The following GASK1A variants were observed in gnomAD, a reference collection of about 807,000 sequenced individuals.
GASK1A encodes Golgi-associated kinase 1A.
In GASK1A, 40 loss-of-function variants were observed where a neutral mutation model predicts 41.2. That is an observed-to-expected ratio of 0.97 (90% CI 0.75 to 1.27). The LOEUF (loss-of-function observed/expected upper bound fraction) is 1.27. GASK1A is among the 50% of genes most tolerant of loss of function. The probability of loss-of-function intolerance (pLI) is 0.00; values close to 1 mark genes in which losing one functional copy is unlikely to be tolerated. For synonymous variants in GASK1A, 316 were observed against 307.1 expected, an observed-to-expected ratio of 1.03 and a Z score of -0.30; for missense variants, 678 against 745.1, an observed-to-expected ratio of 0.91 and a Z score of 1.05.
chr3:43,009,583 T>C (rs1417750903), intron 1 of GASK1A, among the ~76,000 whole-genome samples: 1 of 152,180 alleles, frequency 6.6e-6, no homozygotes, highest in Non-Finnish European at 1.5e-5. Flanking sequence ...CTTGAGCAAA[T>C]TTTGAAGTCT....
chr3:43,033,385 T>A lies in GASK1A; in HGVS notation c.1122T>A (p.Asp374Glu). ...GARPVIWWAP[D>E]VQHLSDPDED... is the part of the protein sequence containing the mutation. Reference sequence around the variant, plus strand: ...GGCCTGTCATCTGGTGGGCACCCGATGTGCAGCACCTGAGCGACCCAGATG... The same window carrying A: ...GGCCTGTCATCTGGTGGGCACCCGAAGTGCAGCACCTGAGCGACCCAGATG... Residue 374 changes from aspartate (D) to glutamate (E), a missense_variant, in exon 2 of 5, where the codon GAT becomes GAA. Physicochemically the swap from Asp to Glu is conservative, Grantham distance 45. Transcript: ENST00000430121. The A allele has an allele frequency of 6.4e-7, 1 of 1,551,606 alleles. No homozygotes were observed. Among genetic ancestry groups the A allele is most frequent in the Non-Finnish European group, 8.7e-7 (1 of 1,146,976 alleles).
intron 2 of GASK1A, chr3:43,037,092 G>A (rs1443639414): frequency 1.8e-5 from 12 of 654,840 alleles, no homozygotes; most frequent in Non-Finnish European, 2.1e-5. Flanking sequence ...CTGACCCTGC[G>A]ATTGCACAAC....
intron 2 of GASK1A, among the ~76,000 whole-genome samples, chr3:43,053,065 G>GT (rs1419877231): frequency 1.3e-5 from 2 of 152,214 alleles, no homozygotes; most frequent in African/African-American, 2.4e-5. Context: ...CTGCTGCAGG[G>GT]TGAAAGAGCT....
intron 1 of GASK1A, among the ~76,000 whole-genome samples, chr3:42,990,247 G>A (rs2089333076): frequency 6.6e-6 from 1 of 151,924 alleles, no homozygotes; most frequent in African/African-American, 2.4e-5. Context: ...CTACTTAAGA[G>A]GCTGAGGTGG....
Position 42,979,574 on chromosome 3 carries a change from A to AGGGGAGGCGGGATGAGTC in GASK1A, c.-68_-51dup. The AGGGGAGGCGGGATGAGTC allele has an allele frequency of 8.1e-7, 1 of 1,237,530 alleles. No homozygotes were observed. Among genetic ancestry groups the AGGGGAGGCGGGATGAGTC allele is most frequent in the Non-Finnish European group, 1.0e-6 (1 of 986,968 alleles). 76.7% of individuals were successfully genotyped at this position (1,237,530 alleles called of 1,614,324 possible). A position where few individuals can be genotyped will look rare whatever the true frequency, so the allele number is the denominator to read the frequency against. On this transcript the variant is annotated 5_prime_UTR_variant, in exon 1 of 5. In the 5' UTR this introduces an upstream ATG that the reference lacks. Transcript: ENST00000430121. ...CGAGCCACGGCGCCGGGGGCGGCCA[A>AGGGGAGGCGGGATGAGTC]GGGGAGGCGGGATGAGTCTGCGAGC...
At chr3:43,052,162 G>A (rs969926095) in intron 2 of GASK1A, among the ~76,000 whole-genome samples, 2 of 152,140 alleles carry the variant, frequency 1.3e-5, no homozygotes, top group Non-Finnish European at 2.9e-5. Context: ...GCCCTTCCTA[G>A]GATTTGGACA....
intron 1 of GASK1A, among the ~76,000 whole-genome samples, chr3:43,025,411 T>C (rs2089542141): frequency 6.6e-6 from 1 of 152,136 alleles, no homozygotes; most frequent in Non-Finnish European, 1.5e-5. Context: ...AGGATGGGAA[T>C]CCATAGGAGA....
chr3:43,006,750 C>A (rs1047942507), intron 1 of GASK1A, among the ~76,000 whole-genome samples: 1 of 152,142 alleles, frequency 6.6e-6, no homozygotes, highest in Non-Finnish European at 1.5e-5. Flanking sequence ...GGAGTACAAT[C>A]TCAGGAAACA....
chr3:42,980,853 G>C (rs922604104), intron 1 of GASK1A, among the ~76,000 whole-genome samples: 2 of 152,208 alleles, frequency 1.3e-5, no homozygotes, highest in Admixed American at 6.5e-5. Flanking sequence ...GGTACAGGAT[G>C]TGAAACGAAA....
rs1249847502 is a variant in GASK1A at position 43,053,518 on chromosome 3, C to T, written c.1291-3C>T. On this transcript the variant is annotated splice_region_variant and splice_polypyrimidine_tract_variant and intron_variant, in intron 2 of 4. Coordinates refer to ENST00000430121, the MANE Select transcript of GASK1A (RefSeq NM_001129908.3). ...CCCCACCGAAGGCTGGGTGTCTCCA[C>T]AGGTCCACGACCGCTTGGATCGCTA... 25 of 1,539,530 alleles carry T rather than the reference C, an allele frequency of 1.6e-5. No individual in the cohort carries two copies. The highest frequency in any genetic ancestry group is 2.2e-5 in the Non-Finnish European group (25 of 1,139,004).
At chr3:43,034,177 A>T (rs568831287) in intron 2 of GASK1A, among the ~76,000 whole-genome samples, 2 of 152,292 alleles carry the variant, frequency 1.3e-5, no homozygotes, top group East Asian at 3.9e-4. Flanking sequence ...ATCATTTTTA[A>T]AAAAGAGAGA....
intron 1 of GASK1A, among the ~76,000 whole-genome samples, chr3:42,985,586 T>TGTGGGGGG (rs1237908326): frequency 3.5e-5 from 5 of 144,250 alleles, no homozygotes; most frequent in Non-Finnish European, 7.6e-5. Context: ...TGTGTGTGTG[T>TGTGGGGGG]GGGCGGAGGC....
intron 2 of GASK1A, among the ~76,000 whole-genome samples, chr3:43,040,492 C>A (rs920014370): frequency 6.6e-6 from 1 of 152,042 alleles, no homozygotes; most frequent in African/African-American, 2.4e-5. Flanking sequence ...CTTCCCAGAT[C>A]CTTTTGGGAT....
chr3:43,015,024 C>T (rs1009941998), intron 1 of GASK1A, among the ~76,000 whole-genome samples: 4 of 151,162 alleles, frequency 2.6e-5, no homozygotes, highest in African/African-American at 9.7e-5. Context: ...AGTGAGAAGT[C>T]ACAGAAAGGG....
At chr3:42,983,926 A>C (rs943781125) in intron 1 of GASK1A, among the ~76,000 whole-genome samples, 4 of 152,224 alleles carry the variant, frequency 2.6e-5, no homozygotes, top group African/African-American at 9.6e-5. Flanking sequence ...TGAGTTCCTT[A>C]GTTGTTTCAG....
intron 2 of GASK1A, 40 bp downstream of exon 2, chr3:43,033,593 G>A: frequency 6.8e-7 from 1 of 1,470,074 alleles, no homozygotes; most frequent in South Asian, 1.4e-5. Flanking sequence ...AGCTGCGGAG[G>A]TAGGGGGTTC....
chr3:42,997,441 G>GGA (rs2089382611), intron 1 of GASK1A, among the ~76,000 whole-genome samples: 3 of 135,738 alleles, frequency 2.2e-5, no homozygotes, highest in African/African-American at 7.9e-5. Flanking sequence ...AGAGAGAGGG[G>GGA]GGGGGGATCT....
chr3:43,015,254 G>A (rs560772152), intron 1 of GASK1A, among the ~76,000 whole-genome samples: 2 of 150,696 alleles, frequency 1.3e-5, no homozygotes. Context: ...GGAGCAGTGC[G>A]AATTCTCAGG....
Position 43,004,484 on chromosome 3 carries a change from CCTCTT to C in GASK1A, c.3+24843_3+24847del, listed in dbSNP as rs565117967. The stretch of plus-strand genomic sequence containing the variant: ...CACACAAGAGCCTACACCCACCCAC[CCTCTT>C]CTCAGTAGAAGATGACTCACTGGAT... On this transcript the variant is annotated intron_variant, in intron 1 of 4. Transcript: ENST00000430121. Among the ~76,000 whole-genome samples, 145 of 152,342 alleles carry C rather than the reference CCTCTT, an allele frequency of 9.5e-4. 1 individual carries two copies. The highest frequency in any genetic ancestry group is 6.2e-3 in the South Asian group (30 of 4,830).
Sources: gnomAD v4.1 joint callset for allele counts (sites outside exome capture counted in the v4.1 genomes callset) on GRCh38, gnomAD v4.1.1 for gene constraint, MANE v1.5 for transcripts, NCBI Gene and HGNC (gene_info 2026-07-23, HGNC 2026-07-21) for gene names.